KCNQ5: variants seen among roughly 807,000 people sequenced by gnomAD.
KCNQ5 encodes potassium voltage-gated channel subfamily KQT member 5.
A neutral mutation model predicts 98.2 loss-of-function variants in KCNQ5; 30 were observed. That is an observed-to-expected ratio of 0.31 (90% confidence interval 0.23 to 0.41). The LOEUF is 0.41. KCNQ5 is among the 10% of genes least tolerant of loss of function. The pLI is 1.00. For synonymous variants in KCNQ5, 458 were observed against 449.4 expected (o/e 1.02, Z -0.24); for missense variants, 835 against 1,182.5 (o/e 0.71, Z 4.31).
At chr6:72,874,396 T>TA (rs1163315770) in intron 1 of KCNQ5, among the ~76,000 whole-genome samples, 1 of 152,158 alleles carries the variant, frequency 6.6e-6, no homozygotes, top group African/African-American at 2.4e-5. Context: ...GAAATGGGGA[T>TA]AAATAGAGTT....
At chr6:72,703,570 G>A (rs1452677063) in intron 1 of KCNQ5, among the ~76,000 whole-genome samples, 2 of 152,132 alleles carry the variant, frequency 1.3e-5, no homozygotes, top group Non-Finnish European at 2.9e-5. Context: ...TGTTTTATTT[G>A]GCCAGAACCA....
chr6:73,059,960 A>G (rs982040208), intron 3 of KCNQ5, among the ~76,000 whole-genome samples: 1 of 152,174 alleles, frequency 6.6e-6, no homozygotes, highest in Admixed American at 6.5e-5. Context: ...TGAGACCAAT[A>G]CTAATTATAC....
intron 1 of KCNQ5, among the ~76,000 whole-genome samples, chr6:72,923,493 A>T (rs1780495787): frequency 1.3e-5 from 2 of 152,140 alleles, no homozygotes; most frequent in Non-Finnish European, 2.9e-5. Flanking sequence ...TAGTGATGCT[A>T]AGCCTTTCTT....
At chr6:72,815,058 T>C (rs1037047954) in intron 1 of KCNQ5, among the ~76,000 whole-genome samples, 1 of 151,972 alleles carries the variant, frequency 6.6e-6, no homozygotes, top group African/African-American at 2.4e-5. Flanking sequence ...AAATATGGGA[T>C]TCAGTTTGGG....
At chr6:72,816,735 C>T (rs1049299434) in intron 1 of KCNQ5, among the ~76,000 whole-genome samples, 5 of 152,194 alleles carry the variant, frequency 3.3e-5, no homozygotes, top group African/African-American at 1.2e-4. Context: ...TGTGGTCACC[C>T]ATGGATGTGG....
intron 11 of KCNQ5, among the ~76,000 whole-genome samples, chr6:73,187,448 A>G (rs1765416445): frequency 6.6e-6 from 1 of 152,186 alleles, no homozygotes; most frequent in Non-Finnish European, 1.5e-5. Context: ...CCTCTTTTCT[A>G]AATAATTGAA....
intron 1 of KCNQ5, among the ~76,000 whole-genome samples, chr6:72,799,428 A>T (rs1006592482): frequency 2.6e-5 from 4 of 152,180 alleles, no homozygotes; most frequent in Non-Finnish European, 5.9e-5. Context: ...AGCCAAACTG[A>T]CACATAAAAC....
At chr6:73,111,436 T>C (rs1775236748) in intron 7 of KCNQ5, 33 bp downstream of exon 7, 2 of 1,411,398 alleles carry the variant, frequency 1.4e-6, no homozygotes, top group Non-Finnish European at 2.0e-6. Flanking sequence ...GATGGCAACA[T>C]TTGTGTCCAT....
At chr6:73,058,080 A>G (rs1772604331) in intron 3 of KCNQ5, among the ~76,000 whole-genome samples, 1 of 152,208 alleles carries the variant, frequency 6.6e-6, no homozygotes, top group South Asian at 2.1e-4. Flanking sequence ...TATACCATAT[A>G]CAAAAATCAA....
chr6:72,985,577 A>G lies in KCNQ5; in HGVS notation c.399-18331A>G, dbSNP rs529091613. Among the ~76,000 whole-genome samples the G allele has an allele frequency of 6.6e-5, 10 of 152,306 alleles. No individual in the cohort carries two copies. The South Asian group carries it at 8.3e-4, about 13-fold the overall frequency. On this transcript the variant is annotated intron_variant, in intron 1 of 13. Transcript: ENST00000370398. ...TTTCCATCAAAAAGCCTGATTTTCC[A>G]CCACAGAATGCAAATGAAAACCACA... is the stretch of plus-strand genomic sequence containing the variant.
chr6:72,775,357 A>C (rs1773109875), intron 1 of KCNQ5, among the ~76,000 whole-genome samples: 1 of 152,158 alleles, frequency 6.6e-6, no homozygotes, highest in Admixed American at 6.5e-5. Context: ...TTTTATTTCT[A>C]TTTAATGTAA....
chr6:73,145,087 T>A (rs1776868614), intron 10 of KCNQ5, among the ~76,000 whole-genome samples: 1 of 152,252 alleles, frequency 6.6e-6, no homozygotes, highest in Non-Finnish European at 1.5e-5. Context: ...CTGTTGGTTC[T>A]ATGAAGACAG....
chr6:72,954,641 A>C (rs1448867922), intron 1 of KCNQ5, among the ~76,000 whole-genome samples: 1 of 151,996 alleles, frequency 6.6e-6, no homozygotes, highest in African/African-American at 2.4e-5. Context: ...GTTATTGAAA[A>C]ACTGTCGCTC....
intron 1 of KCNQ5, among the ~76,000 whole-genome samples, chr6:72,973,712 G>A (rs1437081073): frequency 2.0e-5 from 3 of 152,136 alleles, no homozygotes; most frequent in Non-Finnish European, 4.4e-5. Flanking sequence ...CCGATCAACT[G>A]ATGCTCATTT....
chr6:73,082,016 C>A (rs558295538), intron 5 of KCNQ5, among the ~76,000 whole-genome samples: 4 of 152,330 alleles, frequency 2.6e-5, no homozygotes, highest in Non-Finnish European at 5.9e-5. Context: ...TTTTCTTTCA[C>A]CTGTGTGACT....
intron 1 of KCNQ5, among the ~76,000 whole-genome samples, chr6:72,681,442 A>G (rs1013499389): frequency 6.6e-6 from 1 of 152,200 alleles, no homozygotes; most frequent in Non-Finnish European, 1.5e-5. Context: ...CCACTGAAGA[A>G]TGAAGTGACT....
chr6:73,194,502 G>A lies in KCNQ5; in HGVS notation c.1887G>A (p.Gln629=), dbSNP rs188281850. 2.7e-4 allele frequency: 440 copies of A among 1,614,082 alleles called. 1 individual carries two copies. The Middle Eastern group carries it at 4.5e-3, about 16-fold the overall frequency. ...KLDCLLDIYQ[Q]VLRKGSASAL... ...ACTGCCTACTAGACATCTATCAACA[G>A]GTCCTTCGGAAAGGCTCTGCCTCAG... is the stretch of plus-strand genomic sequence containing the variant. The change falls in exon 14 of 14, where the codon CAG becomes CAA. Residue 629 remains glutamine, a synonymous_variant. Coordinates refer to ENST00000370398, the MANE Select transcript of KCNQ5 (RefSeq NM_019842.4).
chr6:73,159,943 G>A (rs1562212990), intron 10 of KCNQ5, among the ~76,000 whole-genome samples: 1 of 152,160 alleles, frequency 6.6e-6, no homozygotes, highest in Non-Finnish European at 1.5e-5. Flanking sequence ...CCAAATGTGA[G>A]GACGTTATTA....
chr6:72,957,699 C>T (rs1046372292), intron 1 of KCNQ5, among the ~76,000 whole-genome samples: 3 of 152,086 alleles, frequency 2.0e-5, no homozygotes, highest in Non-Finnish European at 4.4e-5. Context: ...TAAATGCCTC[C>T]GTTCCATAGC....
Sources: gnomAD v4.1 joint callset for allele counts (sites outside exome capture counted in the v4.1 genomes callset) on GRCh38, gnomAD v4.1.1 for gene constraint, MANE v1.5 for transcripts, NCBI Gene and HGNC (gene_info 2026-07-23, HGNC 2026-07-21) for gene names.